MAP3K15: variants seen among roughly 807,000 people sequenced by gnomAD.
The protein encoded by MAP3K15 is mitogen-activated protein kinase kinase kinase 15.
In MAP3K15, 124 loss-of-function variants were observed where a neutral mutation model predicts 99.5. The ratio of observed to expected loss-of-function variants is 1.25; its 90% CI spans 1.08 to 1.45. The LOEUF is 1.45. Among genes scored for constraint, MAP3K15 ranks in the 40% most tolerant of loss-of-function variants. The pLI, the probability that MAP3K15 is intolerant of heterozygous loss-of-function variation, is 0.00. For synonymous variants in MAP3K15, 494 were observed against 439.6 expected, an observed-to-expected ratio of 1.12 and a Z score of -1.55; for missense variants, 1,242 against 1,079.7, an observed-to-expected ratio of 1.15 and a Z score of -2.11.
Position 19,482,179 on chromosome X carries a change from C to CAAAAAAAAAAAAA in MAP3K15, c.525+4290_525+4302dup, listed in dbSNP as rs34191166. The CAAAAAAAAAAAAA allele has an allele frequency of 5.7e-3, 179 of 31,417 alleles. 11 individuals carry two copies. Among genetic ancestry groups the CAAAAAAAAAAAAA allele is most frequent in the African/African-American group, 0.012 (115 of 9,363 alleles). 2.6% of individuals were successfully genotyped at this position (31,417 alleles called of 1,213,427 possible). Reference sequence around the variant, plus strand: ...TGGGCGACAGAGTGAGATTCCAGCTCAAAAAAAAAAAAAAAAAGCCTATAT... The same window carrying CAAAAAAAAAAAAA: ...TGGGCGACAGAGTGAGATTCCAGCTCAAAAAAAAAAAAAAAAAAAAAAAAAAAAAAGCCTATAT... On this transcript the variant is annotated intron_variant, in intron 3 of 28. Coordinates refer to ENST00000338883, the MANE Select transcript of MAP3K15 (RefSeq NM_001001671.4).
chrX:19,447,416 TA>T (rs1371868397), intron 6 of MAP3K15, among the ~76,000 whole-genome samples: 229 of 111,973 alleles, frequency 2.0e-3, no homozygotes, highest in Non-Finnish European at 3.7e-3. Flanking sequence ...AGAGCTGTGA[TA>T]TACTACAAAG....
At chrX:19,455,166 C>G (rs2064082920) in intron 6 of MAP3K15, among the ~76,000 whole-genome samples, 1 of 110,474 alleles carries the variant, frequency 9.1e-6, no homozygotes, top group Non-Finnish European at 1.9e-5. Flanking sequence ...AACAGAGCCA[C>G]TGTCTAACAG....
At chrX:19,406,419 C>T (rs6633251) in intron 13 of MAP3K15, among the ~76,000 whole-genome samples, 5 of 112,256 alleles carry the variant, frequency 4.5e-5, no homozygotes, top group African/African-American at 1.6e-4. Context: ...ATACGTGTTA[C>T]ACATGGATAA....
At chrX:19,376,300 T>C (rs2063416690) in intron 19 of MAP3K15, among the ~76,000 whole-genome samples, 1 of 110,615 alleles carries the variant, frequency 9.0e-6, no homozygotes, top group African/African-American at 3.3e-5. Flanking sequence ...ATCCCCGCCT[T>C]TGCCTCTTCT....
chrX:19,485,437 C>T (rs190704181), intron 3 of MAP3K15, among the ~76,000 whole-genome samples: 11 of 107,380 alleles, frequency 1.0e-4, no homozygotes, highest in African/African-American at 3.7e-4. Flanking sequence ...ATTTCTTTTC[C>T]AAAAGGAATC....
intron 9 of MAP3K15, among the ~76,000 whole-genome samples, chrX:19,415,627 AT>A (rs765746349): frequency 1.8e-5 from 2 of 111,180 alleles, no homozygotes; most frequent in African/African-American, 3.3e-5. Flanking sequence ...TTATACATGG[AT>A]TTTTTTTCCC....
At chrX:19,398,050 C>A (rs912536627) in intron 15 of MAP3K15, among the ~76,000 whole-genome samples, 176 bp downstream of exon 15, 1 of 93,577 alleles carries the variant, frequency 1.1e-5, no homozygotes, top group Non-Finnish European at 2.0e-5. Context: ...GGCAATAGAG[C>A]GAGACTCCGT....
At chrX:19,422,367 A>G (rs921973395) in intron 9 of MAP3K15, among the ~76,000 whole-genome samples, 1 of 112,124 alleles carries the variant, frequency 8.9e-6, no homozygotes, top group African/African-American at 3.2e-5. Flanking sequence ...AAAAGTGGGC[A>G]AAGAATATGA....
At chrX:19,474,922 T>A (rs1390044882) in intron 3 of MAP3K15, among the ~76,000 whole-genome samples, 4 of 111,218 alleles carry the variant, frequency 3.6e-5, no homozygotes, top group Non-Finnish European at 5.7e-5. Flanking sequence ...TTAAACACTT[T>A]AAAACAGTGG....
chrX:19,390,939 G>A (rs1251589893), intron 18 of MAP3K15, among the ~76,000 whole-genome samples: 1 of 111,302 alleles, frequency 9.0e-6, no homozygotes, highest in Non-Finnish European at 1.9e-5. Flanking sequence ...TCTTTCCAAG[G>A]ATCAAAGTTC....
At chrX:19,364,129 C>A (rs1331803032) in intron 25 of MAP3K15, among the ~76,000 whole-genome samples, 5 of 112,254 alleles carry the variant, frequency 4.5e-5, no homozygotes, top group African/African-American at 1.6e-4. Flanking sequence ...CTAGGAAGCA[C>A]TGGTTGTTCT....
intron 25 of MAP3K15, among the ~76,000 whole-genome samples, chrX:19,363,614 T>G (rs948589170): frequency 2.7e-5 from 3 of 110,450 alleles, no homozygotes; most frequent in Non-Finnish European, 5.7e-5. Flanking sequence ...ACACAGGGAC[T>G]AAACGAAGGG....
intron 4 of MAP3K15, among the ~76,000 whole-genome samples, chrX:19,461,398 A>T (rs1437569347): frequency 8.9e-6 from 1 of 112,289 alleles, no homozygotes; most frequent in African/African-American, 3.2e-5. Flanking sequence ...CCTGGACCCA[A>T]GAATAGTTTT....
At chrX:19,432,330 A>G (rs2063889299) in intron 6 of MAP3K15, among the ~76,000 whole-genome samples, 1 of 110,785 alleles carries the variant, frequency 9.0e-6, no homozygotes, top group African/African-American at 3.3e-5. Context: ...TTGGGAGGCC[A>G]AGGCGGGTGG....
intron 21 of MAP3K15, 53 bp downstream of exon 21, chrX:19,373,483 G>A: frequency 1.7e-6 from 2 of 1,149,140 alleles, no homozygotes; most frequent in Non-Finnish European, 1.2e-6. Flanking sequence ...CTGTGGCGGA[G>A]GACTACCAGC....
At chrX:19,395,297 G>A in intron 15 of MAP3K15, 89 bp from the exon 16 acceptor site, 1 of 916,867 alleles carries the variant, frequency 1.1e-6, no homozygotes, top group Non-Finnish European at 1.5e-6. Flanking sequence ...CCCCACTGCT[G>A]CCCATCCCTT....
intron 7 of MAP3K15, among the ~76,000 whole-genome samples, chrX:19,428,961 T>C (rs1189728131): frequency 9.2e-6 from 1 of 108,988 alleles, no homozygotes; most frequent in Non-Finnish European, 1.9e-5. Context: ...AGAGTGAGAC[T>C]CAGTCTCAAA....
intron 6 of MAP3K15, among the ~76,000 whole-genome samples, chrX:19,443,433 C>T (rs2063974385): frequency 1.8e-5 from 2 of 111,893 alleles, no homozygotes; most frequent in African/African-American, 6.5e-5. Context: ...CCCCTGCCCC[C>T]TCAGGCTTAT....
chrX:19,451,602 C>T (rs1443396733), intron 6 of MAP3K15, among the ~76,000 whole-genome samples: 1 of 108,898 alleles, frequency 9.2e-6, no homozygotes, highest in Admixed American at 9.9e-5. Flanking sequence ...ATCAGAGAAA[C>T]GTCCATTGAA....
Sources: gnomAD v4.1 joint callset for allele counts (sites outside exome capture counted in the v4.1 genomes callset) on GRCh38, gnomAD v4.1.1 for gene constraint, MANE v1.5 for transcripts, NCBI Gene and HGNC (gene_info 2026-07-23, HGNC 2026-07-21) for gene names.